HNF4G: variants seen among roughly 807,000 people sequenced by gnomAD.
The protein encoded by HNF4G is hepatocyte nuclear factor 4 gamma.
In HNF4G, 21 loss-of-function variants were observed where a neutral mutation model predicts 50.9. The observed-to-expected ratio is 0.41, with a 90% CI of 0.29 to 0.59. The LOEUF is 0.59. HNF4G is among the 20% of genes least tolerant of loss of function. The pLI, the probability that HNF4G is intolerant of heterozygous loss-of-function variation, is 0.26. For synonymous variants in HNF4G, 198 were observed against 185.6 expected, an observed-to-expected ratio of 1.07 and a Z score of -0.54; for missense variants, 527 against 559.4, an observed-to-expected ratio of 0.94 and a Z score of 0.58.
At chr8:75,479,753 C>T (rs1812330668) in intron 1 of HNF4G, among the ~76,000 whole-genome samples, 3 of 151,042 alleles carry the variant, frequency 2.0e-5, no homozygotes, top group South Asian at 4.2e-4. Context: ...ATTTTACAAG[C>T]TGAAAAATAT....
chr8:75,552,909 G>T, intron 4 of HNF4G, 133 bp from the exon 5 acceptor site: 1 of 543,412 alleles, frequency 1.8e-6, no homozygotes. Flanking sequence ...AAAATGTTTA[G>T]TATTTGTCAA....
intron 2 of HNF4G, among the ~76,000 whole-genome samples, chr8:75,497,750 A>G (rs1812814084): frequency 6.6e-6 from 1 of 152,118 alleles, no homozygotes; most frequent in African/African-American, 2.4e-5. Context: ...GCAAATCATT[A>G]TAAGATTCCT....
intron 1 of HNF4G, among the ~76,000 whole-genome samples, chr8:75,434,108 A>AT (rs1811081118): frequency 1.4e-5 from 2 of 145,712 alleles, no homozygotes. Flanking sequence ...GGTTCAAGTG[A>AT]TTCTCCTTCC....
chr8:75,528,588 T>G (rs1217039104), intron 2 of HNF4G, among the ~76,000 whole-genome samples: 2 of 152,232 alleles, frequency 1.3e-5, no homozygotes, highest in Non-Finnish European at 2.9e-5. Context: ...ATGAGTCATT[T>G]AATTCTAAGC....
rs762065360 is a variant in HNF4G, at chr8:75,553,170, C to T, written c.618C>T (p.Ala206=). ...VLVEWAKYIP[A]FCELPLDDQV... is the part of the protein sequence containing the mutation. ...TGGAATGGGCTAAATATATTCCTGCCTTCTGTGAATTACCATTGGATGATC... is the reference window on the plus strand; with the variant it reads ...TGGAATGGGCTAAATATATTCCTGCTTTCTGTGAATTACCATTGGATGATC... Residue 206 remains alanine (A), a synonymous_variant, in exon 5 of 10, where the codon GCC becomes GCT. Coordinates refer to ENST00000396423, the MANE Select transcript of HNF4G (RefSeq NM_004133.5). 5 of 1,612,684 alleles carry T rather than the reference C, an allele frequency of 3.1e-6. No homozygotes were observed. The highest frequency in any genetic ancestry group is 2.2e-5 in the South Asian group (2 of 91,000).
intron 1 of HNF4G, among the ~76,000 whole-genome samples, chr8:75,449,099 A>G (rs960455914): frequency 1.3e-5 from 2 of 152,184 alleles, no homozygotes; most frequent in Non-Finnish European, 2.9e-5. Flanking sequence ...TTTCTTTCTC[A>G]TGTAACAACA....
In HNF4G at chr8:75,539,945, A is replaced by G. The variant is rs1585936534; in HGVS notation, c.-18A>G. 2 of 1,121,248 alleles carry G rather than the reference A, an allele frequency of 1.8e-6. No individual in the cohort carries two copies. The highest frequency in any genetic ancestry group is 2.7e-6 in the Non-Finnish European group (2 of 732,186). The allele number at this position is 1,121,248 out of a possible 1,614,324, so 69.5% of individuals were successfully genotyped here. A position where few individuals can be genotyped will look rare whatever the true frequency, so the allele number is the denominator to read the frequency against. Reference sequence around the variant, plus strand: ...ACTCTGGGCTTGTGGTGCCACTTGTATGTGTGTTTCTAAATCAATGATGAG... The same window carrying G: ...ACTCTGGGCTTGTGGTGCCACTTGTGTGTGTGTTTCTAAATCAATGATGAG... On this transcript the variant is annotated 5_prime_UTR_variant, in exon 1 of 10. An upstream start codon of the reference 5' UTR is lost. Transcript: ENST00000396423.
intron 1 of HNF4G, among the ~76,000 whole-genome samples, chr8:75,472,435 C>A (rs911480555): frequency 7.2e-5 from 11 of 152,118 alleles, no homozygotes; most frequent in Non-Finnish European, 1.5e-4. Context: ...GTAGCCGAAC[C>A]CTCTCAACTT....
intron 1 of HNF4G, among the ~76,000 whole-genome samples, chr8:75,454,304 T>C (rs117622006): frequency 8.5e-5 from 13 of 152,172 alleles, no homozygotes; most frequent in Non-Finnish European, 1.6e-4. Flanking sequence ...CAGTCTATAG[T>C]ACTTTGTTAC....
intron 2 of HNF4G, among the ~76,000 whole-genome samples, chr8:75,506,910 C>T (rs6994092): frequency 0.37 from 55,668 of 151,894 alleles, 10,631 homozygotes; most frequent in South Asian, 0.44. Flanking sequence ...GGCTGAAAGA[C>T]GAGATAGGTC....
chr8:75,522,835 A>G (rs1806081113), intron 2 of HNF4G, among the ~76,000 whole-genome samples: 2 of 152,168 alleles, frequency 1.3e-5, no homozygotes, highest in African/African-American at 4.8e-5. Context: ...GAGTTATAGC[A>G]TGTCTATATA....
chr8:75,415,605 TAG>T (rs1202071855), intron 1 of HNF4G, among the ~76,000 whole-genome samples: 1 of 152,230 alleles, frequency 6.6e-6, no homozygotes, highest in African/African-American at 2.4e-5. Flanking sequence ...TTGCAGTTTA[TAG>T]AGTGTTTTTA....
intron 1 of HNF4G, among the ~76,000 whole-genome samples, chr8:75,448,523 A>G (rs75103472): frequency 1.0e-4 from 15 of 150,726 alleles, no homozygotes; most frequent in Non-Finnish European, 1.9e-4. Flanking sequence ...AAAAAAAAAA[A>G]GAAAACCTAA....
chr8:75,555,941 T>C lies in HNF4G; in HGVS notation c.646-41T>C, dbSNP rs373205745. Reference sequence around the variant, plus strand: ...GACTCATGTCATCTTTTAATCATTATATATTATAATTAATTGTTAAACTGA... The same window carrying C: ...GACTCATGTCATCTTTTAATCATTACATATTATAATTAATTGTTAAACTGA... On this transcript the variant is annotated intron_variant, in intron 5 of 9. Coordinates refer to ENST00000396423, the MANE Select transcript of HNF4G (RefSeq NM_004133.5). 824 of 1,064,920 alleles carry C rather than the reference T, an allele frequency of 7.7e-4. 4 individuals carry two copies. Among genetic ancestry groups the C allele is most frequent in the South Asian group, 3.9e-3 (229 of 59,140 alleles). The allele number at this position is 1,064,920 out of a possible 1,614,324, so 66.0% of individuals were successfully genotyped here.
At chr8:75,495,134 A>G (rs1032418983) in intron 2 of HNF4G, among the ~76,000 whole-genome samples, 1 of 152,198 alleles carries the variant, frequency 6.6e-6, no homozygotes, top group African/African-American at 2.4e-5. Context: ...TGCTTTTGCA[A>G]CTGATTCACA....
rs148479260 is a variant in HNF4G at position 75,515,427 on chromosome 8, T to C, written c.-24+25219T>C. On this transcript the variant is annotated intron_variant, in intron 2 of 10. Transcript: ENST00000354370. The stretch of plus-strand genomic sequence containing the variant: ...ACAGAGACACACAGACACATACATA[T>C]ATATTCATTATAGAAATTGGCTCAC... 3.3e-4 allele frequency among the ~76,000 whole-genome samples: 50 copies of C among 152,198 alleles called. No homozygotes were observed. The East Asian group carries it at 9.3e-3, about 28-fold the overall frequency.
intron 1 of HNF4G, among the ~76,000 whole-genome samples, chr8:75,449,653 C>T (rs1811531860): frequency 6.6e-6 from 1 of 151,778 alleles, no homozygotes; most frequent in Non-Finnish European, 1.5e-5. Context: ...ACTACAGGCT[C>T]CCGCCACCAC....
At chr8:75,413,630 A>G (rs560726776) in intron 1 of HNF4G, among the ~76,000 whole-genome samples, 34 of 152,080 alleles carry the variant, frequency 2.2e-4, no homozygotes, top group African/African-American at 7.7e-4. Context: ...GCACTTTGGG[A>G]GGCTGAGGCG....
In HNF4G at chr8:75,443,799, T is replaced by C. The variant is rs370972084; in HGVS notation, c.-144+35637T>C. On this transcript the variant is annotated intron_variant, in intron 1 of 10. Coordinates refer to the HNF4G transcript ENST00000354370. ...TAAATCAGTAAGTTGTAATTCATTTTATGTTTATCATTTGACCAAATAAAA... is the reference window on the plus strand; with the variant it reads ...TAAATCAGTAAGTTGTAATTCATTTCATGTTTATCATTTGACCAAATAAAA... Among the ~76,000 whole-genome samples, 18 of 152,348 alleles carry C rather than the reference T, an allele frequency of 1.2e-4. No homozygotes were observed. In the East Asian group the frequency reaches 3.3e-3, roughly 28 times the overall value.
Sources: gnomAD v4.1 joint callset for allele counts (sites outside exome capture counted in the v4.1 genomes callset) on GRCh38, gnomAD v4.1.1 for gene constraint, MANE v1.5 for transcripts, NCBI Gene and HGNC (gene_info 2026-07-23, HGNC 2026-07-21) for gene names.